Variants in WDR12 observed in about 807,000 individuals in gnomAD.
WDR12 encodes the protein WD repeat domain 12.
A neutral mutation model predicts 64.3 loss-of-function variants in WDR12; 42 were observed. The observed-to-expected ratio is 0.65, with a 90% CI of 0.51 to 0.84. WDR12 has a LOEUF of 0.84. Ranked by LOEUF, WDR12 falls within the 40% of genes least tolerant of loss-of-function variation. The probability of loss-of-function intolerance (pLI) is 0.00; values close to 1 mark genes in which losing one functional copy is unlikely to be tolerated. For missense variants in WDR12, 469 were observed against 494.6 expected (o/e 0.95, Z 0.49); for synonymous variants, 158 against 173.3 (o/e 0.91, Z 0.70).
chr2:202,895,865 A>G (rs1308837423), intron 6 of WDR12, 200 bp downstream of exon 6: 2 of 533,336 alleles, frequency 3.7e-6, no homozygotes, highest in African/African-American at 3.9e-5. Context: ...GAGTTTATAT[A>G]AGGTTCTAAA....
chr2:202,897,469 A>C (rs1209239576), intron 4 of WDR12, 54 bp from the exon 5 acceptor site: 11 of 1,002,286 alleles, frequency 1.1e-5, no homozygotes, highest in Non-Finnish European at 1.6e-5. Context: ...CCAAACCCTG[A>C]AATGTTTCTT....
At chr2:202,896,901 C>T (rs550287025) in intron 5 of WDR12, among the ~76,000 whole-genome samples, 1 of 151,976 alleles carries the variant, frequency 6.6e-6, no homozygotes, top group Non-Finnish European at 1.5e-5. Flanking sequence ...GCAGGAGAAT[C>T]GCTTGAACCT....
At chr2:202,903,446 T>TGGAA (rs150739013) in intron 2 of WDR12, among the ~76,000 whole-genome samples, 2,346 of 97,206 alleles carry the variant, frequency 0.024, 95 homozygotes, top group African/African-American at 0.082. Context: ...AGCAATCAGA[T>TGGAA]GGAAGGAAGG....
At chr2:202,906,155 C>A (rs935461728) in intron 2 of WDR12, among the ~76,000 whole-genome samples, 2 of 152,082 alleles carry the variant, frequency 1.3e-5, no homozygotes, top group Non-Finnish European at 2.9e-5. Context: ...CTACCACGTA[C>A]CTACAAAAAT....
Position 202,883,631 on chromosome 2 carries a change from C to T in WDR12, c.1099G>A (p.Val367Ile), listed in dbSNP as rs773798645. The T allele has an allele frequency of 2.0e-5, 33 of 1,613,916 alleles. No homozygotes were observed. The East Asian group carries it at 5.3e-4, about 26-fold the overall frequency. ...QLISGSLDNI[V>I]KLWDTRSCKA... Reference sequence around the variant, plus strand: ...TACCTTCTTGTATCCCACAGCTTAACAATGTTATCTAAAGATCCTGAAATC... The same window carrying T: ...TACCTTCTTGTATCCCACAGCTTAATAATGTTATCTAAAGATCCTGAAATC... Residue 367 changes from valine to isoleucine, a missense_variant, in exon 11 of 13, where the codon GTT (valine) becomes ATT (isoleucine). Physicochemically the swap from Val to Ile is conservative, Grantham distance 29. Coordinates refer to ENST00000261015, the MANE Select transcript of WDR12 (RefSeq NM_018256.4).
intron 4 of WDR12, 125 bp downstream of exon 4, chr2:202,899,406 A>C: frequency 1.2e-6 from 1 of 824,514 alleles, no homozygotes; most frequent in Non-Finnish European, 1.9e-6. Context: ...CCACTGATAC[A>C]GAGATCACAA....
Position 202,887,510 on chromosome 2 carries a change from G to C in WDR12, c.742-2975C>G, listed in dbSNP as rs530925975. Among the ~76,000 whole-genome samples the C allele has an allele frequency of 7.2e-5, 11 of 152,306 alleles. 1 individual carries two copies. The South Asian group carries it at 2.3e-3, about 32-fold the overall frequency. ...AAAGAAGTAAAGGAACCTGATAGAG[G>C]AGTGAGAAACAGAACAATCTCTGAT... On this transcript the variant is annotated intron_variant, in intron 8 of 12. Transcript: ENST00000261015.
chr2:202,893,095 C>T (rs1688182191), intron 7 of WDR12, among the ~76,000 whole-genome samples: 2 of 152,044 alleles, frequency 1.3e-5, no homozygotes, highest in Non-Finnish European at 1.5e-5. Context: ...AACGCACATA[C>T]ATTTCAGCCA....
intron 4 of WDR12, among the ~76,000 whole-genome samples, 185 bp from the exon 5 acceptor site, chr2:202,897,600 C>G (rs114606691): frequency 0.023 from 3,329 of 145,752 alleles, 137 homozygotes; most frequent in African/African-American, 0.081. Context: ...AAAAATAATA[C>G]CTGGCATGGC....
intron 2 of WDR12, among the ~76,000 whole-genome samples, chr2:202,905,302 T>C (rs1358038936): frequency 2.0e-5 from 3 of 152,196 alleles, no homozygotes; most frequent in Non-Finnish European, 2.9e-5. Context: ...CCTGCCACCA[T>C]GCCTGGCTAA....
At chr2:202,886,889 T>A (rs1688058361) in intron 8 of WDR12, among the ~76,000 whole-genome samples, 1 of 152,170 alleles carries the variant, frequency 6.6e-6, no homozygotes, top group African/African-American at 2.4e-5. Flanking sequence ...ATTTAGGAGT[T>A]ATAACTGGAT....
rs1167655765 is a variant in WDR12 at position 202,893,052 on chromosome 2, T to C, written c.656-350A>G. 2.0e-5 allele frequency among the ~76,000 whole-genome samples: 3 copies of C among 152,222 alleles called. No individual in the cohort carries two copies. The East Asian group carries it at 5.8e-4, about 29-fold the overall frequency. On this transcript the variant is annotated intron_variant, in intron 7 of 12. Coordinates refer to ENST00000261015, the MANE Select transcript of WDR12 (RefSeq NM_018256.4). ...GAGTTATGACATTACATTTACATTA[T>C]GAAGGAGGGAAGGATAAAGTAAACA...
intron 8 of WDR12, among the ~76,000 whole-genome samples, chr2:202,886,388 G>A (rs544589796): frequency 1.5e-4 from 23 of 152,008 alleles, no homozygotes; most frequent in African/African-American, 5.5e-4. Context: ...AACCTGGGAC[G>A]TGGAGGTTGC....
intron 3 of WDR12, 151 bp from the exon 4 acceptor site, chr2:202,899,788 A>G: frequency 1.6e-6 from 1 of 644,100 alleles, no homozygotes; most frequent in Non-Finnish European, 2.6e-6. Context: ...CAAAAAGTCA[A>G]GAACTTTATT....
At chr2:202,903,499 G>GTAA (rs1559163882) in intron 2 of WDR12, among the ~76,000 whole-genome samples, 54 of 113,388 alleles carry the variant, frequency 4.8e-4, no homozygotes, top group Middle Eastern at 4.5e-3. Flanking sequence ...AAGGAAGGAA[G>GTAA]GAAGTGAGGG....
At chr2:202,883,778 A>C in intron 10 of WDR12, 37 bp from the exon 11 acceptor site, 1 of 1,599,638 alleles carries the variant, frequency 6.3e-7, no homozygotes, top group South Asian at 1.1e-5. Flanking sequence ...TGAATTTTAG[A>C]AAAGGGAAGT....
intron 8 of WDR12, among the ~76,000 whole-genome samples, chr2:202,888,368 G>A (rs1196997516): frequency 1.3e-5 from 2 of 152,138 alleles, no homozygotes; most frequent in Non-Finnish European, 2.9e-5. Context: ...CTATATCTTG[G>A]TTGTGTAGCA....
At chr2:202,887,985 C>A (rs1257764211) in intron 8 of WDR12, among the ~76,000 whole-genome samples, 1 of 151,668 alleles carries the variant, frequency 6.6e-6, no homozygotes, top group Non-Finnish European at 1.5e-5. Flanking sequence ...GGCATTTATC[C>A]AAGATAAATG....
intron 5 of WDR12, 79 bp from the exon 6 acceptor site, chr2:202,896,298 T>C (rs1688241039): frequency 7.0e-7 from 1 of 1,431,618 alleles, no homozygotes; most frequent in Non-Finnish European, 9.3e-7. Flanking sequence ...ACCAAAGAAC[T>C]AAATTTTTTT....
Sources: allele counts gnomAD v4.1 joint callset (sites outside exome capture counted in the v4.1 genomes callset), GRCh38; gene constraint gnomAD v4.1.1; transcripts MANE v1.5; gene names NCBI Gene and HGNC (gene_info 2026-07-23, HGNC 2026-07-21).